Variants in AGPAT3 observed in about 807,000 individuals in gnomAD.
AGPAT3 encodes the protein 1-acyl-sn-glycerol-3-phosphate acyltransferase gamma.
In AGPAT3, 5 loss-of-function variants were observed where a neutral mutation model predicts 47.3. The observed-to-expected ratio is 0.11, with a 90% CI of 0.06 to 0.22. The LOEUF (loss-of-function observed/expected upper bound fraction) is 0.22. AGPAT3 is among the 10% of genes least tolerant of loss of function. The pLI is 1.00. For synonymous variants in AGPAT3, 212 were observed against 208.3 expected, an observed-to-expected ratio of 1.02 and a Z score of -0.15; for missense variants, 315 against 493.0, an observed-to-expected ratio of 0.64 and a Z score of 3.42.
At chr21:43,937,703 G>A (rs565267228) in intron 2 of AGPAT3, among the ~76,000 whole-genome samples, 4 of 152,268 alleles carry the variant, frequency 2.6e-5, no homozygotes, top group South Asian at 2.1e-4. Context: ...AATTACAGGC[G>A]TGAGCCACCA....
chr21:43,877,979 C>T (rs1245170643), intron 1 of AGPAT3, among the ~76,000 whole-genome samples: 3 of 152,036 alleles, frequency 2.0e-5, no homozygotes, highest in Non-Finnish European at 2.9e-5. Flanking sequence ...CCACCAGCCT[C>T]GCTTTCGACT....
Position 43,985,307 on chromosome 21 carries a change from T to C in AGPAT3, c.*2915T>C, listed in dbSNP as rs780800893. 1.1e-4 allele frequency: 47 copies of C among 430,822 alleles called. No individual in the cohort carries two copies. In the Admixed American group the frequency reaches 1.2e-3, roughly 11 times the overall value. The allele number at this position is 430,822 out of a possible 1,614,324, so 26.7% of individuals were successfully genotyped here. ...TATGTGAGGTGCTTTAAGGTCCCTG[T>C]CCTCAGGAAGCGCAGTCTGGTGGAA... On this transcript the variant is annotated 3_prime_UTR_variant, in exon 10 of 10. Coordinates refer to ENST00000291572, the MANE Select transcript of AGPAT3 (RefSeq NM_020132.5).
chr21:43,956,229 T>C (rs987588124), intron 2 of AGPAT3, among the ~76,000 whole-genome samples: 1 of 152,228 alleles, frequency 6.6e-6, no homozygotes, highest in Non-Finnish European at 1.5e-5. Flanking sequence ...GCAAGCCTGG[T>C]CTGCCCAGCG....
chr21:43,918,470 A>G (rs541966793), intron 2 of AGPAT3, among the ~76,000 whole-genome samples: 1 of 152,222 alleles, frequency 6.6e-6, no homozygotes, highest in East Asian at 1.9e-4. Context: ...AACAGGGGGA[A>G]ATGGAGACAA....
At chr21:43,923,450 A>G (rs2086955885) in intron 2 of AGPAT3, among the ~76,000 whole-genome samples, 2 of 152,208 alleles carry the variant, frequency 1.3e-5, no homozygotes, top group African/African-American at 2.4e-5. Flanking sequence ...GTTTCCCCAC[A>G]AGCAGTGCTC....
intron 2 of AGPAT3, among the ~76,000 whole-genome samples, chr21:43,958,750 A>T (rs1449310899): frequency 4.1e-5 from 5 of 123,094 alleles, no homozygotes; most frequent in Non-Finnish European, 6.9e-5. Flanking sequence ...TGTGGTTTGC[A>T]GTGTGTAGTG....
At chr21:43,918,161 G>A (rs117726525) in intron 2 of AGPAT3, among the ~76,000 whole-genome samples, 2,284 of 150,388 alleles carry the variant, frequency 0.015, 29 homozygotes, top group Non-Finnish European at 0.022. Flanking sequence ...GGTGTTGTGG[G>A]AGTTGTGGGT....
chr21:43,908,380 C>T lies in AGPAT3; in HGVS notation c.-49+4361C>T, dbSNP rs1485820549. Among the ~76,000 whole-genome samples, 1 of 152,220 alleles carries T rather than the reference C, an allele frequency of 6.6e-6. No homozygotes were observed. The highest frequency in any genetic ancestry group is 1.5e-5 in the Non-Finnish European group (1 of 68,038). ...CTGACCTGTGTGTTGAGCCCCGGCC[C>T]TTCTCGATCAGAAAGGAGGTGTCCC... is the stretch of plus-strand genomic sequence containing the variant. On this transcript the variant is annotated intron_variant, in intron 2 of 9. Transcript: ENST00000291572. The surrounding 1 kb of genome is among the most constrained non-coding windows in gnomAD (Gnocchi z 4.9).
intron 1 of AGPAT3, among the ~76,000 whole-genome samples, chr21:43,899,426 C>A (rs1569053325): frequency 6.6e-6 from 1 of 152,198 alleles, no homozygotes; most frequent in Non-Finnish European, 1.5e-5. Context: ...GAAAGGACGA[C>A]CACAGGAAGG....
intron 3 of AGPAT3, chr21:43,960,571 G>C (rs942291495): frequency 5.8e-6 from 1 of 172,946 alleles, no homozygotes; most frequent in Non-Finnish European, 1.1e-5. Flanking sequence ...GCAAAAGTAT[G>C]CAACTGGACA....
intron 2 of AGPAT3, among the ~76,000 whole-genome samples, chr21:43,915,510 C>A (rs1271741194): frequency 7.8e-6 from 1 of 127,638 alleles, no homozygotes; most frequent in Non-Finnish European, 1.6e-5. Flanking sequence ...CTCCCAGGTT[C>A]AAGCGATTCT....
At chr21:43,971,021 A>G (rs2089371557) in intron 6 of AGPAT3, among the ~76,000 whole-genome samples, 2 of 152,254 alleles carry the variant, frequency 1.3e-5, no homozygotes, top group Admixed American at 6.5e-5. Flanking sequence ...ATAATAAAAA[A>G]TACATAATGC....
At position 43,970,896 on chromosome 21, in the gene AGPAT3, T is replaced by C. The variant is rs993994787; in HGVS notation, c.664+90T>C. On this transcript the variant is annotated intron_variant, in intron 6 of 9. Coordinates refer to ENST00000291572, the MANE Select transcript of AGPAT3 (RefSeq NM_020132.5). This position sits in a 1 kb window ranked among gnomAD's most constrained non-coding sequence, Gnocchi z 5.8. ...AAAAAAAAAAAATGAGTGCATTCCATGTGAAACACAGAAGAACAGAAGTGC... is the reference window on the plus strand; with the variant it reads ...AAAAAAAAAAAATGAGTGCATTCCACGTGAAACACAGAAGAACAGAAGTGC... The C allele has an allele frequency of 3.7e-6, 5 of 1,341,804 alleles. No homozygotes were observed. The highest frequency in any genetic ancestry group is 1.7e-5 in the South Asian group (1 of 59,180). 83.1% of individuals were successfully genotyped at this position (1,341,804 alleles called of 1,614,324 possible). A position where few individuals can be genotyped will look rare whatever the true frequency, so the allele number is the denominator to read the frequency against.
chr21:43,892,075 G>A (rs2086113679), intron 1 of AGPAT3, among the ~76,000 whole-genome samples: 1 of 152,138 alleles, frequency 6.6e-6, no homozygotes, highest in Non-Finnish European at 1.5e-5. Flanking sequence ...GTGAGGCTGA[G>A]GTGGGTGGAT....
At chr21:43,959,517 C>T (rs932052398) in intron 2 of AGPAT3, 117 bp from the exon 3 acceptor site, 4 of 875,558 alleles carry the variant, frequency 4.6e-6, no homozygotes, top group Non-Finnish European at 5.4e-6. Context: ...GTGTGCTGTG[C>T]AGCATGTGTG....
chr21:43,871,533 C>T (rs1052022433), intron 1 of AGPAT3, among the ~76,000 whole-genome samples: 1 of 152,190 alleles, frequency 6.6e-6, no homozygotes, highest in African/African-American at 2.4e-5. Context: ...TGTCTCTGGA[C>T]ACACGTGATC....
chr21:43,935,060 C>T (rs574756168), intron 2 of AGPAT3, among the ~76,000 whole-genome samples: 2 of 152,390 alleles, frequency 1.3e-5, no homozygotes, highest in Admixed American at 6.5e-5. Flanking sequence ...CACTCACATG[C>T]CACACACAGA....
intron 2 of AGPAT3, among the ~76,000 whole-genome samples, chr21:43,905,937 T>C (rs889578096): frequency 3.9e-5 from 6 of 152,166 alleles, no homozygotes; most frequent in Non-Finnish European, 7.3e-5. Context: ...CGTGGGCTTG[T>C]GCTGTGGATG....
At chr21:43,915,080 A>G (rs1012412817) in intron 2 of AGPAT3, among the ~76,000 whole-genome samples, 13 of 151,464 alleles carry the variant, frequency 8.6e-5, no homozygotes, top group African/African-American at 3.2e-4. Context: ...TTTTTTTGAG[A>G]TGGAGTCTTC....
Sources: gnomAD v4.1 joint callset for allele counts (sites outside exome capture counted in the v4.1 genomes callset) on GRCh38, gnomAD v4.1.1 for gene constraint, Gnocchi (gnomAD v3.1) non-coding constraint, MANE v1.5 for transcripts, NCBI Gene and HGNC (gene_info 2026-07-23, HGNC 2026-07-21) for gene names.